Variants in SLC24A2 observed in about 807,000 individuals in gnomAD.
SLC24A2 encodes the protein sodium/potassium/calcium exchanger 2.
Under a neutral mutation model 62.0 loss-of-function variants are expected in SLC24A2, and 36 were observed. That is an observed-to-expected ratio of 0.58 (90% confidence interval 0.44 to 0.77). The LOEUF (loss-of-function observed/expected upper bound fraction) is 0.77. Among genes scored for constraint, SLC24A2 ranks in the 30% least tolerant of loss-of-function variants. The pLI is 0.00. For missense variants in SLC24A2, 846 were observed against 817.9 expected (o/e 1.03, Z -0.42); for synonymous variants, 358 against 294.0 (o/e 1.22, Z -2.23).
the SLC24A2 span, among the ~76,000 whole-genome samples, chr9:20,246,291 C>T: frequency 6.6e-6 from 1 of 152,136 alleles, no homozygotes; most frequent in Non-Finnish European, 1.5e-5. Context: ...AACATATGTA[C>T]ATGAAATTTT....
chr9:20,175,864 G>A, the SLC24A2 span, among the ~76,000 whole-genome samples: 1 of 152,022 alleles, frequency 6.6e-6, no homozygotes, highest in Non-Finnish European at 1.5e-5. Flanking sequence ...ATGATGGAAG[G>A]ATGGAGGGAT....
the SLC24A2 span, among the ~76,000 whole-genome samples, chr9:19,956,843 G>A: frequency 1.3e-5 from 2 of 152,148 alleles, no homozygotes; most frequent in Non-Finnish European, 2.9e-5. Flanking sequence ...TCATGAATGG[G>A]ATTGGTGCCC....
At chr9:20,014,517 T>TATATATATATGTATATATACAC in the SLC24A2 span, among the ~76,000 whole-genome samples, 113 of 148,458 alleles carry the variant, frequency 7.6e-4, no homozygotes, top group African/African-American at 2.8e-3. Flanking sequence ...TATATATATA[T>TATATATATATGTATATATACAC]ACACACACAC....
chr9:20,158,935 A>T, the SLC24A2 span, among the ~76,000 whole-genome samples: 3 of 151,750 alleles, frequency 2.0e-5, no homozygotes, highest in Non-Finnish European at 4.4e-5. Flanking sequence ...TATCCTAGTA[A>T]AACTATTGTT....
chr9:19,573,252 G>C (rs554665858), intron 7 of SLC24A2, 99 bp downstream of exon 7: 1 of 825,222 alleles, frequency 1.2e-6, no homozygotes, highest in Non-Finnish European at 2.1e-6. Context: ...CTGCCCAGCT[G>C]AGAGCTGGGG....
chr9:19,612,903 A>T (rs574188055), intron 4 of SLC24A2, among the ~76,000 whole-genome samples: 69 of 152,280 alleles, frequency 4.5e-4, no homozygotes, highest in African/African-American at 1.6e-3. Context: ...CATGTATGGG[A>T]TCTTCTGTGT....
the SLC24A2 span, among the ~76,000 whole-genome samples, chr9:20,076,887 C>G: frequency 3.5e-5 from 5 of 141,820 alleles, no homozygotes; most frequent in Admixed American, 1.4e-4. Flanking sequence ...ATATACATAT[C>G]ATATGTGTAT....
chr9:20,231,945 C>T, the SLC24A2 span, among the ~76,000 whole-genome samples: 14,493 of 152,010 alleles, frequency 0.095, 2,081 homozygotes, highest in East Asian at 0.6. Flanking sequence ...TTAGCATGAA[C>T]GGTTGTTGAA....
In SLC24A2 at chr9:19,515,433, A is replaced by G. The variant is rs1441562698; in HGVS notation, c.*720T>C. ...TTGGAAGGCTCAACTCAGGGCCCCTACAGACCTTCTCCACTAAGCCCTCCT... is the reference window on the plus strand; with the variant it reads ...TTGGAAGGCTCAACTCAGGGCCCCTGCAGACCTTCTCCACTAAGCCCTCCT... On this transcript the variant is annotated 3_prime_UTR_variant, in exon 11 of 11. Transcript: ENST00000341998. The G allele has an allele frequency of 1.3e-5, 2 of 152,172 alleles. No individual in the cohort carries two copies. Among genetic ancestry groups the G allele is most frequent in the Non-Finnish European group, 2.9e-5 (2 of 68,134 alleles). 9.4% of individuals were successfully genotyped at this position (152,172 alleles called of 1,614,324 possible).
At chr9:20,077,126 CA>C in the SLC24A2 span, among the ~76,000 whole-genome samples, 6 of 151,586 alleles carry the variant, frequency 4.0e-5, no homozygotes, top group African/African-American at 1.5e-4. Flanking sequence ...AAGTGGTAAT[CA>C]GGGGCAGAGC....
chr9:20,145,625 G>A, the SLC24A2 span, among the ~76,000 whole-genome samples: 6 of 21,206 alleles, frequency 2.8e-4, no homozygotes, highest in African/African-American at 1.1e-3. Context: ...GTGTGTGCAC[G>A]TGTGCAATTA....
intron 2 of SLC24A2, among the ~76,000 whole-genome samples, chr9:19,685,990 T>C (rs908474897): frequency 6.6e-6 from 1 of 151,962 alleles, no homozygotes; most frequent in African/African-American, 2.4e-5. Flanking sequence ...ACAACCTACA[T>C]AATGGGAAAA....
the SLC24A2 span, among the ~76,000 whole-genome samples, chr9:20,231,134 T>C: frequency 2.0e-5 from 3 of 152,200 alleles, no homozygotes; most frequent in African/African-American, 7.2e-5. Flanking sequence ...TTGGTTACTG[T>C]AGCCTTGTAG....
intron 2 of SLC24A2, among the ~76,000 whole-genome samples, chr9:19,682,344 G>A (rs1371521220): frequency 1.3e-5 from 2 of 152,092 alleles, no homozygotes; most frequent in Non-Finnish European, 2.9e-5. Context: ...AATACAACCT[G>A]GGCCCTTCTG....
At chr9:19,975,387 T>C in the SLC24A2 span, among the ~76,000 whole-genome samples, 1 of 152,338 alleles carries the variant, frequency 6.6e-6, no homozygotes, top group South Asian at 2.1e-4. Flanking sequence ...AATTCTTCCA[T>C]GTTCATCCCT....
At chr9:19,546,300 T>G (rs544603876) in intron 8 of SLC24A2, among the ~76,000 whole-genome samples, 1 of 152,328 alleles carries the variant, frequency 6.6e-6, no homozygotes, top group East Asian at 1.9e-4. Flanking sequence ...AACCGCCCCT[T>G]CCGCCAGATG....
intron 2 of SLC24A2, 33 bp downstream of exon 2, chr9:19,785,903 GA>G: frequency 6.2e-7 from 1 of 1,613,948 alleles, no homozygotes; most frequent in African/African-American, 1.3e-5. Flanking sequence ...CCGTAGTCAA[GA>G]AAAGCATTAA....
intron 2 of SLC24A2, among the ~76,000 whole-genome samples, chr9:19,762,152 T>C (rs986673044): frequency 6.6e-6 from 1 of 152,124 alleles, no homozygotes; most frequent in African/African-American, 2.4e-5. Context: ...CACTTTTTGA[T>C]GGGGTTGTTT....
At chr9:19,662,085 T>C (rs1819118032) in intron 2 of SLC24A2, among the ~76,000 whole-genome samples, 1 of 152,218 alleles carries the variant, frequency 6.6e-6, no homozygotes, top group Non-Finnish European at 1.5e-5. Context: ...AGACAACTGC[T>C]GTCCAACAGA....
Sources: gnomAD v4.1 joint callset for allele counts (sites outside exome capture counted in the v4.1 genomes callset) on GRCh38, gnomAD v4.1.1 for gene constraint, MANE v1.5 for transcripts, NCBI Gene and HGNC (gene_info 2026-07-23, HGNC 2026-07-21) for gene names.